The following GARNL3 variants were observed in gnomAD, a reference collection of about 807,000 sequenced individuals.
The protein encoded by GARNL3 is GTPase-activating Rap/Ran-GAP domain-like protein 3.
Under a neutral mutation model 125.0 loss-of-function variants are expected in GARNL3, and 63 were observed. That is an observed-to-expected ratio of 0.50 (90% CI 0.41 to 0.62). The LOEUF is 0.62. Ranked by LOEUF, GARNL3 falls within the 20% of genes least tolerant of loss-of-function variation. GARNL3 has a pLI of 0.00. For synonymous variants in GARNL3, 439 were observed against 457.5 expected, an observed-to-expected ratio of 0.96 and a Z score of 0.52; for missense variants, 994 against 1,244.0, an observed-to-expected ratio of 0.80 and a Z score of 3.02.
At chr9:127,321,062 A>C (rs185772830) in intron 6 of GARNL3, among the ~76,000 whole-genome samples, 264 of 152,360 alleles carry the variant, frequency 1.7e-3, no homozygotes, top group African/African-American at 5.7e-3. Flanking sequence ...TAGGGTGTAC[A>C]TTCAGAAAAA....
intron 12 of GARNL3, 114 bp downstream of exon 12, chr9:127,338,275 C>T (rs996284068): frequency 2.4e-6 from 2 of 843,040 alleles, no homozygotes; most frequent in Non-Finnish European, 4.0e-6. Flanking sequence ...AATATGAGTG[C>T]CTGCACCTTA....
At chr9:127,252,751 A>C (rs2063428315) in intron 2 of GARNL3, among the ~76,000 whole-genome samples, 1 of 152,230 alleles carries the variant, frequency 6.6e-6, no homozygotes, top group African/African-American at 2.4e-5. Context: ...GTTAAGCTAT[A>C]ATTTACATGC....
In GARNL3 at chr9:127,349,008, A is replaced by C. The variant is rs1390870003; in HGVS notation, c.1516A>C (p.Thr506Pro). Reference protein sequence around the residue: ...DPWGQALLVSTDAGVLLVDDD... With the variant: ...DPWGQALLVSPDAGVLLVDDD... ...CTGGGGCCAGGCCTTGCTGGTTTCC[A>C]CTGATGCTGGCGTCTTGCTAGTGGA... The change falls in exon 17 of 28, where the codon ACT becomes CCT. Residue 506 changes from threonine (T) to proline (P), a missense_variant. Coordinates refer to ENST00000373387, the MANE Select transcript of GARNL3 (RefSeq NM_032293.5). The C allele has an allele frequency of 6.2e-7, 1 of 1,613,832 alleles. No individual in the cohort carries two copies. The highest frequency in any genetic ancestry group is 8.5e-7 in the Non-Finnish European group (1 of 1,179,774).
chr9:127,281,425 T>C (rs1270083867), intron 1 of GARNL3, among the ~76,000 whole-genome samples: 7 of 152,112 alleles, frequency 4.6e-5, no homozygotes. Context: ...CCTTGGTGGC[T>C]CTCCTCCAGC....
intron 2 of GARNL3, among the ~76,000 whole-genome samples, chr9:127,309,860 C>T (rs1186770571): frequency 6.6e-6 from 1 of 152,144 alleles, no homozygotes; most frequent in Non-Finnish European, 1.5e-5. Context: ...TCTAGTAAAT[C>T]GCTAGAGGCA....
chr9:127,317,464 C>G (rs528670811), intron 4 of GARNL3, among the ~76,000 whole-genome samples: 15 of 152,236 alleles, frequency 9.9e-5, no homozygotes, highest in Middle Eastern at 3.4e-3. Flanking sequence ...GTGGCTCATG[C>G]CTGTAATCCC....
intron 1 of GARNL3, among the ~76,000 whole-genome samples, chr9:127,283,556 G>A (rs2064158177): frequency 6.6e-6 from 1 of 152,200 alleles, no homozygotes; most frequent in Admixed American, 6.5e-5. Context: ...TGTGGTCCCA[G>A]CTACTTGGGA....
chr9:127,297,840 GCTGTCTATAGCA>G (rs1442438344), intron 2 of GARNL3, among the ~76,000 whole-genome samples: 1 of 152,144 alleles, frequency 6.6e-6, no homozygotes, highest in Non-Finnish European at 1.5e-5. Context: ...GTTTCTTAAA[GCTGTCTATAGCA>G]ATTTAAAACA....
At chr9:127,388,539 T>C (rs1469503250) in intron 25 of GARNL3, 1 of 300,152 alleles carries the variant, frequency 3.3e-6, no homozygotes, top group Non-Finnish European at 6.4e-6. Flanking sequence ...GGTTACCTCA[T>C]CGCTTTGAAC....
At chr9:127,304,743 G>A (rs2064901380) in intron 2 of GARNL3, among the ~76,000 whole-genome samples, 1 of 151,912 alleles carries the variant, frequency 6.6e-6, no homozygotes, top group Admixed American at 6.6e-5. Flanking sequence ...AGCTTTGTTG[G>A]CCAGACTGGT....
intron 1 of GARNL3, among the ~76,000 whole-genome samples, chr9:127,272,625 G>T (rs1051372359): frequency 6.6e-6 from 1 of 151,906 alleles, no homozygotes; most frequent in African/African-American, 2.4e-5. Context: ...GACTACAGGT[G>T]CACACCATCA....
chr9:127,236,069 T>C (rs2063107524), intron 1 of GARNL3, among the ~76,000 whole-genome samples: 2 of 152,154 alleles, frequency 1.3e-5, no homozygotes, highest in South Asian at 4.1e-4. Flanking sequence ...CTTACCACAG[T>C]TGACAGGGTT....
intron 2 of GARNL3, among the ~76,000 whole-genome samples, chr9:127,299,265 A>G (rs954930844): frequency 6.8e-6 from 1 of 147,474 alleles, no homozygotes; most frequent in African/African-American, 2.5e-5. Flanking sequence ...TGCAGTCAGC[A>G]CCACTGCACT....
intron 2 of GARNL3, among the ~76,000 whole-genome samples, chr9:127,256,889 C>T (rs2063504225): frequency 6.6e-6 from 1 of 152,188 alleles, no homozygotes; most frequent in Non-Finnish European, 1.5e-5. Context: ...TGTGTAGGTT[C>T]CTGTATTTAC....
At chr9:127,234,864 G>C (rs1233245563) in intron 1 of GARNL3, among the ~76,000 whole-genome samples, 3 of 152,126 alleles carry the variant, frequency 2.0e-5, no homozygotes. Context: ...CATGAGAGCT[G>C]AGCCCTCGTG....
rs117801471 is a variant in GARNL3 at position 127,278,227 on chromosome 9, A to G, written c.145-12941A>G. The stretch of plus-strand genomic sequence containing the variant: ...ATGTGTAATCCTACAAATAATCACT[A>G]TTACGATTTAGTACACATCGATTTA... On this transcript the variant is annotated intron_variant, in intron 1 of 27. Transcript: ENST00000373387. Among the ~76,000 whole-genome samples the G allele has an allele frequency of 2.5e-3, 376 of 152,362 alleles. 10 individuals carry two copies. The East Asian group carries it at 0.056, about 23-fold the overall frequency.
chr9:127,378,074 T>C (rs2131792796), intron 22 of GARNL3, among the ~76,000 whole-genome samples: 1 of 151,450 alleles, frequency 6.6e-6, no homozygotes, highest in Non-Finnish European at 1.5e-5. Flanking sequence ...ACCCAGTCTC[T>C]ACTAAAAATA....
At chr9:127,356,037 G>A (rs1830671067) in intron 20 of GARNL3, among the ~76,000 whole-genome samples, 1 of 152,220 alleles carries the variant, frequency 6.6e-6, no homozygotes, top group African/African-American at 2.4e-5. Context: ...GAGGGAACAA[G>A]GCAGGCAGGT....
At chr9:127,322,235 A>G (rs937897417) in intron 6 of GARNL3, among the ~76,000 whole-genome samples, 1 of 152,124 alleles carries the variant, frequency 6.6e-6, no homozygotes, top group African/African-American at 2.4e-5. Flanking sequence ...TCCTTCTTTA[A>G]GCCTTGGTCT....
Sources: gnomAD v4.1 joint callset for allele counts (sites outside exome capture counted in the v4.1 genomes callset) on GRCh38, gnomAD v4.1.1 for gene constraint, MANE v1.5 for transcripts, NCBI Gene and HGNC (gene_info 2026-07-23, HGNC 2026-07-21) for gene names.